Variants in ZNF469 observed in about 807,000 individuals in gnomAD.
ZNF469 encodes the protein zinc finger protein 469.
ZNF469 carries 1 observed loss-of-function variant against 1.0 expected under a neutral mutation model. That is an observed-to-expected ratio of 1.00 (90% confidence interval 0.35 to 4.73). The LOEUF is 4.73. Among genes scored for constraint, ZNF469 ranks in the 30% most tolerant of loss-of-function variants. The pLI, the probability that ZNF469 is intolerant of heterozygous loss-of-function variation, is 0.16. For missense variants in ZNF469, 6,100 were observed against 5,356.3 expected (o/e 1.14, Z -4.33); for synonymous variants, 2,703 against 2,363.4 (o/e 1.14, Z -4.17).
chr16:88,229,554 A>ATGTCACGCGTGTGCGCTGATGCCACG, the ZNF469 span, among the ~76,000 whole-genome samples: 1 of 135,870 alleles, frequency 7.4e-6, no homozygotes, highest in African/African-American at 2.6e-5. Flanking sequence ...TGGATGTCAC[A>ATGTCACGCGTGTGCGCTGATGCCACG]CGTGTGGATG....
the ZNF469 span, among the ~76,000 whole-genome samples, chr16:88,140,437 A>G: frequency 1.3e-5 from 2 of 149,666 alleles, no homozygotes; most frequent in African/African-American, 5.1e-5. Flanking sequence ...GGAGGAAAGG[A>G]GGACGGAGCC....
chr16:88,380,467 A>G (rs1244231862), upstream of ZNF469, among the ~76,000 whole-genome samples: 4 of 88,626 alleles, frequency 4.5e-5, no homozygotes, highest in African/African-American at 5.0e-4. Context: ...GCACACACAC[A>G]TGCACTCACA....
At chr16:88,321,218 G>T in the ZNF469 span, among the ~76,000 whole-genome samples, 6 of 152,258 alleles carry the variant, frequency 3.9e-5, no homozygotes, top group African/African-American at 1.4e-4. Context: ...TTTCCCCCTC[G>T]GGATCTTGCT....
chr16:88,312,691 G>A, the ZNF469 span, among the ~76,000 whole-genome samples: 2 of 152,088 alleles, frequency 1.3e-5, no homozygotes, highest in Admixed American at 1.3e-4. Context: ...TTGATTTGAG[G>A]GAGAGACGCC....
the ZNF469 span, among the ~76,000 whole-genome samples, chr16:88,181,314 C>A: frequency 6.6e-6 from 1 of 151,258 alleles, no homozygotes; most frequent in Non-Finnish European, 1.5e-5. Context: ...TCGTGATCCA[C>A]CCGCCTCGGC....
upstream of ZNF469, among the ~76,000 whole-genome samples, chr16:88,378,447 C>T (rs369832417): frequency 5.4e-4 from 83 of 152,298 alleles, 1 homozygote; most frequent in South Asian, 0.016. Flanking sequence ...TTGCACGCAT[C>T]GTAACGGGGA....
intron 1 of ZNF469, among the ~76,000 whole-genome samples, chr16:88,385,327 C>T (rs2092534616): frequency 1.3e-5 from 2 of 152,074 alleles, no homozygotes; most frequent in African/African-American, 2.4e-5. Context: ...CCCTCCCTTC[C>T]GGTTCTGACT....
chr16:88,185,662 C>G, the ZNF469 span, among the ~76,000 whole-genome samples: 1 of 151,758 alleles, frequency 6.6e-6, no homozygotes, highest in Non-Finnish European at 1.5e-5. Flanking sequence ...AGTATATGCA[C>G]ACACTCATGT....
the ZNF469 span, among the ~76,000 whole-genome samples, chr16:88,307,035 G>A: frequency 1.3e-5 from 2 of 152,064 alleles, no homozygotes; most frequent in African/African-American, 2.4e-5. Context: ...CCTGGCAACC[G>A]CCAATCCACT....
chr16:88,386,429 A>C (rs1203205135), intron 1 of ZNF469, among the ~76,000 whole-genome samples: 1 of 146,010 alleles, frequency 6.8e-6, no homozygotes, highest in Admixed American at 6.8e-5. Context: ...CCTAGACATC[A>C]CCCCCACCCT....
At chr16:88,140,418 G>A in the ZNF469 span, among the ~76,000 whole-genome samples, 1 of 149,658 alleles carries the variant, frequency 6.7e-6, no homozygotes, top group African/African-American at 2.5e-5. Context: ...AGAAATCGGG[G>A]GGTAGCACGG....
the ZNF469 span, among the ~76,000 whole-genome samples, chr16:88,312,463 A>G: frequency 3.9e-5 from 6 of 152,080 alleles, no homozygotes; most frequent in African/African-American, 1.4e-4. Flanking sequence ...TAAGTTGCCA[A>G]ATTTCTCCCC....
chr16:88,361,216 A>T, the ZNF469 span, among the ~76,000 whole-genome samples: 1 of 152,182 alleles, frequency 6.6e-6, no homozygotes, highest in Non-Finnish European at 1.5e-5. Context: ...CTGATCTGAC[A>T]GGAAGTGGAG....
At chr16:88,377,400 G>A in the ZNF469 span, among the ~76,000 whole-genome samples, 1 of 152,244 alleles carries the variant, frequency 6.6e-6, no homozygotes, top group Non-Finnish European at 1.5e-5. Context: ...GAATGTGTGA[G>A]CCGGTGTGTA....
rs1412601001 is a variant in ZNF469 at position 88,431,850 on chromosome 16, G to A, written c.4380G>A (p.Pro1460=). 54 of 1,549,924 alleles carry A rather than the reference G, an allele frequency of 3.5e-5. No homozygotes were observed. The highest frequency in any genetic ancestry group is 4.2e-5 in the Non-Finnish European group (48 of 1,146,950). The change falls in exon 3 of 3, where the codon CCG becomes CCA. Residue 1460 remains proline (P), a synonymous_variant. Coordinates refer to ENST00000565624, the MANE Select transcript of ZNF469 (RefSeq NM_001367624.2). ...LESSSLFPDL[P]VDRFDPPLYG... is the part of the protein sequence containing the mutation. Reference sequence around the variant, plus strand: ...CCTCATCCCTCTTCCCAGACCTGCCGGTGGACAGATTCGACCCACCCCTCT... The same window carrying A: ...CCTCATCCCTCTTCCCAGACCTGCCAGTGGACAGATTCGACCCACCCCTCT...
the ZNF469 span, among the ~76,000 whole-genome samples, chr16:88,368,103 C>T: frequency 6.6e-5 from 10 of 152,266 alleles, no homozygotes; most frequent in East Asian, 3.8e-4. Context: ...AACAATCCCG[C>T]GCTTATATCA....
the ZNF469 span, among the ~76,000 whole-genome samples, chr16:88,338,259 T>C: frequency 4.5e-5 from 6 of 133,950 alleles, no homozygotes; most frequent in Non-Finnish European, 9.3e-5. Context: ...GGGGAGCTGC[T>C]GACTGTAGTG....
At chr16:88,353,380 A>G in the ZNF469 span, among the ~76,000 whole-genome samples, 405 of 152,192 alleles carry the variant, frequency 2.7e-3, 1 homozygote, top group African/African-American at 9.2e-3. Context: ...TCCCATGCCA[A>G]TGACAAGAGG....
the ZNF469 span, among the ~76,000 whole-genome samples, chr16:88,198,484 C>T: frequency 3.3e-5 from 5 of 152,224 alleles, no homozygotes; most frequent in South Asian, 2.1e-4. Flanking sequence ...ATGAGTCACA[C>T]GTGACTGTCG....
Sources: allele counts gnomAD v4.1 joint callset (sites outside exome capture counted in the v4.1 genomes callset), GRCh38; gene constraint gnomAD v4.1.1; transcripts MANE v1.5; gene names NCBI Gene and HGNC (gene_info 2026-07-23, HGNC 2026-07-21).